The following CTDSP2 variants were observed in gnomAD, a reference collection of about 807,000 sequenced individuals.
CTDSP2 encodes the protein carboxy-terminal domain RNA polymerase II polypeptide A small phosphatase 2.
CTDSP2 carries 9 observed loss-of-function variants against 31.6 expected under a neutral mutation model. The observed-to-expected ratio is 0.28, with a 90% CI of 0.17 to 0.50. The LOEUF is 0.50. Ranked by LOEUF, CTDSP2 falls within the 20% of genes least tolerant of loss-of-function variation. The pLI is 0.98. For missense variants in CTDSP2, 267 were observed against 348.5 expected, an observed-to-expected ratio of 0.77 and a Z score of 1.86; for synonymous variants, 134 against 134.5, an observed-to-expected ratio of 1.00 and a Z score of 0.03.
In CTDSP2 at chr12:57,829,525, G is replaced by A. The variant is rs1479804428; in HGVS notation, c.136C>T (p.Arg46Cys). The change falls in exon 2 of 8, where the codon CGC (arginine) becomes TGC (cysteine). Residue 46 changes from arginine (R) to cysteine (C), a missense_variant. Transcript: ENST00000398073. Reference sequence around the variant, plus strand: ...CTTGACTGGCCAACATGCTGGGCGCGAAAACAGCAGAAAAGGGCCTTGAAG... The same window carrying A: ...CTTGACTGGCCAACATGCTGGGCGCAAAAACAGCAGAAAAGGGCCTTGAAG... ...NIFKALFCCF[R>C]AQHVGQSSSS... The A allele has an allele frequency of 1.4e-5, 23 of 1,614,020 alleles. No individual in the cohort carries two copies. Among genetic ancestry groups the A allele is most frequent in the Non-Finnish European group, 1.7e-5 (20 of 1,180,034 alleles).
At chr12:57,832,790 TAAAAAAAAAA>T (rs61390174) in intron 1 of CTDSP2, among the ~76,000 whole-genome samples, 48 of 44,902 alleles carry the variant, frequency 1.1e-3, no homozygotes, top group East Asian at 4.6e-3. Flanking sequence ...AGACTCTGGC[TAAAAAAAAAA>T]AAAAAAAAAA....
Position 57,823,943 on chromosome 12 carries a change from G to A in CTDSP2, c.651C>T (p.Asp217=), listed in dbSNP as rs775971558. 6.2e-7 allele frequency: 1 copy of A among 1,614,084 alleles called. No individual in the cohort carries two copies. The highest frequency in any genetic ancestry group is 8.5e-7 in the Non-Finnish European group (1 of 1,180,002). The change falls in exon 7 of 8, where the codon GAC becomes GAT. Residue 217 remains aspartate (D), a synonymous_variant. Transcript: ENST00000398073. ...GGAATATGTAAGAAGCAGGCGAGTT[G>A]TCCAGGATGAGGGTCTTTCTCAGGT... ...GRDLRKTLIL[D]NSPASYIFHP...
At chr12:57,827,205 C>T (rs1956188443) in intron 3 of CTDSP2, 108 bp from the exon 4 acceptor site, 1 of 780,134 alleles carries the variant, frequency 1.3e-6, no homozygotes. Context: ...CAATCACCAA[C>T]CCAGGATAGG....
chr12:57,834,350 G>A (rs946832919), intron 1 of CTDSP2, among the ~76,000 whole-genome samples: 12 of 152,100 alleles, frequency 7.9e-5, no homozygotes, highest in South Asian at 2.1e-4. Context: ...GGATGAGCTG[G>A]TAAAGGACCA....
At chr12:57,844,974 G>A (rs960612222) in intron 1 of CTDSP2, among the ~76,000 whole-genome samples, 1 of 151,530 alleles carries the variant, frequency 6.6e-6, no homozygotes. Context: ...CACCAACTCA[G>A]CGGATTTGCC....
chr12:57,834,444 C>A (rs1213511813), intron 1 of CTDSP2, among the ~76,000 whole-genome samples: 1 of 152,200 alleles, frequency 6.6e-6, no homozygotes, highest in African/African-American at 2.4e-5. Flanking sequence ...GCACAAGGCT[C>A]TGGGATTCCA....
At chr12:57,824,377 TG>T in intron 5 of CTDSP2, 58 bp from the exon 6 acceptor site, 1 of 1,270,482 alleles carries the variant, frequency 7.9e-7, no homozygotes, top group Non-Finnish European at 1.1e-6. Flanking sequence ...TTTGCAGTAC[TG>T]GGTACCTTCA....
chr12:57,829,547 G>A lies in CTDSP2; in HGVS notation c.114C>T (p.Phe38=), dbSNP rs1257021677. The A allele has an allele frequency of 6.2e-7, 1 of 1,614,178 alleles. No homozygotes were observed. Residue 38 remains phenylalanine, a synonymous_variant, in exon 2 of 8, where the codon TTC becomes TTT. Transcript: ENST00000398073. Reference sequence around the variant, plus strand: ...CGCGAAAACAGCAGAAAAGGGCCTTGAAGATGTTACGTCCACGAGGCTTCT... The same window carrying A: ...CGCGAAAACAGCAGAAAAGGGCCTTAAAGATGTTACGTCCACGAGGCTTCT... ...SPKKPRGRNI[F]KALFCCFRAQ...
At chr12:57,825,502 T>C (rs1956177309) in intron 5 of CTDSP2, among the ~76,000 whole-genome samples, 1 of 152,222 alleles carries the variant, frequency 6.6e-6, no homozygotes, top group South Asian at 2.1e-4. Flanking sequence ...TATGCCTTCA[T>C]CTTTTCTACA....
rs768899988 is a variant in CTDSP2, at chr12:57,823,638, G to A, written c.780C>T (p.Asp260=). The A allele has an allele frequency of 2.5e-6, 4 of 1,613,856 alleles. No individual in the cohort carries two copies. The highest frequency in any genetic ancestry group is 1.3e-5 in the African/African-American group (1 of 74,886). The change falls in exon 8 of 8, where the codon GAC becomes GAT. Residue 260 remains aspartate, a synonymous_variant. Coordinates refer to ENST00000398073, the MANE Select transcript of CTDSP2 (RefSeq NM_005730.4). ...PIFEELSGAE[D]VYTSLGQLRA... ...GCAGCTGCCCAAGGCTGGTGTAGAC[G>A]TCCTCTGCTCCGCTCAGCTCCTCAA...
At chr12:57,832,870 T>C (rs1783283264) in intron 1 of CTDSP2, among the ~76,000 whole-genome samples, 1 of 150,870 alleles carries the variant, frequency 6.6e-6, no homozygotes, top group South Asian at 2.1e-4. Context: ...TTCCTTGGAC[T>C]TTCCCTATTT....
At chr12:57,826,639 GT>G (rs1252759639) in intron 4 of CTDSP2, among the ~76,000 whole-genome samples, 3 of 152,196 alleles carry the variant, frequency 2.0e-5, no homozygotes, top group South Asian at 4.1e-4. Context: ...TGGGGCCTGA[GT>G]TTCCTGAGGA....
chr12:57,830,907 C>A (rs1172410889), intron 1 of CTDSP2, among the ~76,000 whole-genome samples: 1 of 151,700 alleles, frequency 6.6e-6, no homozygotes, highest in Non-Finnish European at 1.5e-5. Context: ...CGCCACCACG[C>A]CCAGCTAATT....
At chr12:57,824,121 A>T in intron 6 of CTDSP2, 32 bp from the exon 7 acceptor site, 2 of 1,612,876 alleles carry the variant, frequency 1.2e-6, no homozygotes, top group Non-Finnish European at 1.7e-6. Flanking sequence ...TAGTTTGGAT[A>T]CACTCCTGGT....
chr12:57,833,325 C>T lies in CTDSP2; in HGVS notation c.65-3729G>A, dbSNP rs142674638. ...GGGGATGAGGGTCTTCTCAAAAACC[C>T]AATGTGGCCGGCAGCCCCTGGGCCT... On this transcript the variant is annotated intron_variant, in intron 1 of 7. Coordinates refer to ENST00000398073, the MANE Select transcript of CTDSP2 (RefSeq NM_005730.4). Among the ~76,000 whole-genome samples, 590 of 152,312 alleles carry T rather than the reference C, an allele frequency of 3.9e-3. 4 individuals carry two copies. The highest frequency in any genetic ancestry group is 0.013 in the African/African-American group (548 of 41,556).
Position 57,838,392 on chromosome 12 carries a change from T to C in CTDSP2, c.64+7980A>G, listed in dbSNP as rs188273628. ...AGAGCAAAGGTATCATTGTGAGGGA[T>C]TGGAAACCACACTTGCCTACCTGGA... On this transcript the variant is annotated intron_variant, in intron 1 of 7. Transcript: ENST00000398073. 1.8e-4 allele frequency among the ~76,000 whole-genome samples: 27 copies of C among 152,270 alleles called. No homozygotes were observed. The East Asian group carries it at 3.1e-3, about 17-fold the overall frequency.
At position 57,823,798 on chromosome 12, in the gene CTDSP2, G is replaced by C. The variant is rs558201597; in HGVS notation, c.691-71C>G. 2.2e-4 allele frequency: 347 copies of C among 1,610,100 alleles called. 1 individual carries two copies. The highest frequency in any genetic ancestry group is 2.7e-4 in the Non-Finnish European group (317 of 1,178,744). ...CCCTCCCTCGCCCCAGAGCCCTAGA[G>C]GGTGGCTGGGTCTTCCTGGAGGGGT... On this transcript the variant is annotated intron_variant, in intron 7 of 7. Transcript: ENST00000398073.
rs1201068821 is a variant in CTDSP2 at position 57,821,828 on chromosome 12, G to C, written c.*1774C>G. On this transcript the variant is annotated 3_prime_UTR_variant, in exon 8 of 8. Transcript: ENST00000398073. Reference sequence around the variant, plus strand: ...TTATGATTCCAAAGAGAAAGACAAGGCCTTATAACCTTGGGACAAGAAGGG... The same window carrying C: ...TTATGATTCCAAAGAGAAAGACAAGCCCTTATAACCTTGGGACAAGAAGGG... The C allele has an allele frequency of 6.6e-6, 1 of 152,254 alleles. No homozygotes were observed. Among genetic ancestry groups the C allele is most frequent in the Non-Finnish European group, 1.5e-5 (1 of 68,066 alleles). The allele number at this position is 152,254 out of a possible 1,614,324, so 9.4% of individuals were successfully genotyped here. A position where few individuals can be genotyped will look rare whatever the true frequency, so the allele number is the denominator to read the frequency against.
chr12:57,820,824 A>G lies in CTDSP2; in HGVS notation c.*2778T>C, dbSNP rs1461925922. The G allele has an allele frequency of 1.3e-5, 2 of 152,252 alleles. No individual in the cohort carries two copies. Among genetic ancestry groups the G allele is most frequent in the Non-Finnish European group, 2.9e-5 (2 of 68,064 alleles). The allele number at this position is 152,252 out of a possible 1,614,324, so 9.4% of individuals were successfully genotyped here. A position where few individuals can be genotyped will look rare whatever the true frequency, so the allele number is the denominator to read the frequency against. Reference sequence around the variant, plus strand: ...CCAAAGCTCCCCCTATGAGAGGGACACGAACATCAGGCTTTTGATTTAGAA... The same window carrying G: ...CCAAAGCTCCCCCTATGAGAGGGACGCGAACATCAGGCTTTTGATTTAGAA... On this transcript the variant is annotated 3_prime_UTR_variant, in exon 8 of 8. Transcript: ENST00000398073.
Sources: allele counts gnomAD v4.1 joint callset (sites outside exome capture counted in the v4.1 genomes callset), GRCh38; gene constraint gnomAD v4.1.1; transcripts MANE v1.5; gene names NCBI Gene and HGNC (gene_info 2026-07-23, HGNC 2026-07-21).